Variants in SDC2 observed in about 807,000 individuals in gnomAD.
SDC2 encodes syndecan-2.
A neutral mutation model predicts 22.2 loss-of-function variants in SDC2; 13 were observed. The observed-to-expected ratio is 0.59, with a 90% CI of 0.38 to 0.93. The LOEUF is 0.93. Among genes scored for constraint, SDC2 ranks in the 40% least tolerant of loss-of-function variants. The pLI, the probability that SDC2 is intolerant of heterozygous loss-of-function variation, is 0.00. For synonymous variants in SDC2, 94 were observed against 92.8 expected (o/e 1.01, Z -0.07); for missense variants, 235 against 246.8 (o/e 0.95, Z 0.32).
intron 3 of SDC2, among the ~76,000 whole-genome samples, chr8:96,604,722 C>T (rs374591158): frequency 1.3e-5 from 2 of 152,162 alleles, no homozygotes; most frequent in African/African-American, 4.8e-5. Context: ...AAGAGCATCA[C>T]TCATAAGCTT....
At chr8:96,505,699 TG>T (rs1813228786) in intron 1 of SDC2, among the ~76,000 whole-genome samples, 1 of 152,258 alleles carries the variant, frequency 6.6e-6, no homozygotes, top group African/African-American at 2.4e-5. Flanking sequence ...TAAATAAGAA[TG>T]GTGTTTTGAT....
chr8:96,584,528 AT>A (rs1382711710), intron 1 of SDC2, among the ~76,000 whole-genome samples: 1 of 152,104 alleles, frequency 6.6e-6, no homozygotes, highest in Admixed American at 6.6e-5. Context: ...AATTCCAAAT[AT>A]TTTTCCCCCT....
At chr8:96,527,199 C>G (rs898830902) in intron 1 of SDC2, among the ~76,000 whole-genome samples, 1 of 152,030 alleles carries the variant, frequency 6.6e-6, no homozygotes, top group Non-Finnish European at 1.5e-5. Flanking sequence ...AGAGACCGTG[C>G]TTAGGGACAG....
intron 1 of SDC2, among the ~76,000 whole-genome samples, chr8:96,522,848 CAGA>C (rs142302219): frequency 0.01 from 1,543 of 152,252 alleles, 18 homozygotes; most frequent in African/African-American, 0.035. Context: ...TCACCCTGAC[CAGA>C]AGAAGTAACA....
intron 1 of SDC2, among the ~76,000 whole-genome samples, chr8:96,516,548 C>A (rs1442474474): frequency 2.7e-5 from 4 of 145,558 alleles, no homozygotes; most frequent in Non-Finnish European, 4.6e-5. Flanking sequence ...CCCCCCACCT[C>A]AAAAAAAAAA....
At chr8:96,524,191 G>A (rs1472767539) in intron 1 of SDC2, among the ~76,000 whole-genome samples, 2 of 152,228 alleles carry the variant, frequency 1.3e-5, no homozygotes, top group Non-Finnish European at 2.9e-5. Context: ...TTCCTGGAGT[G>A]AGATGACTGT....
chr8:96,567,091 T>C (rs1241992223), intron 1 of SDC2, among the ~76,000 whole-genome samples: 1 of 152,270 alleles, frequency 6.6e-6, no homozygotes, highest in Non-Finnish European at 1.5e-5. Context: ...TCACCTCAAG[T>C]GATCCACCTG....
chr8:96,554,021 A>G (rs1481512464), intron 1 of SDC2, among the ~76,000 whole-genome samples: 2 of 152,054 alleles, frequency 1.3e-5, no homozygotes, highest in Non-Finnish European at 2.9e-5. Flanking sequence ...AACTCCTGGA[A>G]TCAAACAATC....
chr8:96,508,339 AATAATT>A (rs1255800353), intron 1 of SDC2, among the ~76,000 whole-genome samples: 2 of 111,200 alleles, frequency 1.8e-5, no homozygotes, highest in Admixed American at 9.7e-5. Context: ...TAATAATAAT[AATAATT>A]AGCCGGGTGT....
chr8:96,583,389 C>CAT (rs3064979), intron 1 of SDC2, among the ~76,000 whole-genome samples: 7 of 116,808 alleles, frequency 6.0e-5, no homozygotes, highest in Admixed American at 1.8e-4. Flanking sequence ...ATATATATGA[C>CAT]ATATGTGTGT....
At chr8:96,523,898 T>G (rs1813536116) in intron 1 of SDC2, among the ~76,000 whole-genome samples, 1 of 152,194 alleles carries the variant, frequency 6.6e-6, no homozygotes, top group South Asian at 2.1e-4. Context: ...TGTTGGTAAC[T>G]TTAAGATTAT....
At chr8:96,550,373 G>C (rs1377453971) in intron 1 of SDC2, among the ~76,000 whole-genome samples, 1 of 152,150 alleles carries the variant, frequency 6.6e-6, no homozygotes, top group Non-Finnish European at 1.5e-5. Context: ...ATTGGAAAAT[G>C]TGAAAAAATA....
chr8:96,497,917 G>A (rs1813099992), intron 1 of SDC2, among the ~76,000 whole-genome samples: 1 of 152,190 alleles, frequency 6.6e-6, no homozygotes, highest in Non-Finnish European at 1.5e-5. Flanking sequence ...AGGGTGCATT[G>A]CAGAATCTCC....
Position 96,564,855 on chromosome 8 carries a change from C to T in SDC2, c.61-28625C>T, listed in dbSNP as rs372388854. Among the ~76,000 whole-genome samples the T allele has an allele frequency of 3.3e-5, 5 of 152,100 alleles. No individual in the cohort carries two copies. In the South Asian group the frequency reaches 6.2e-4, roughly 19 times the overall value. ...CCTGCCCACCGTTTTGGGAGTTGAACTTTGTGATTGTTTAGAATACCAGCT... is the reference window on the plus strand; with the variant it reads ...CCTGCCCACCGTTTTGGGAGTTGAATTTTGTGATTGTTTAGAATACCAGCT... On this transcript the variant is annotated intron_variant, in intron 1 of 4. Coordinates refer to ENST00000302190, the MANE Select transcript of SDC2 (RefSeq NM_002998.4).
chr8:96,515,931 C>CGGCT (rs760117697), intron 1 of SDC2, among the ~76,000 whole-genome samples: 2 of 152,074 alleles, frequency 1.3e-5, no homozygotes, highest in Non-Finnish European at 2.9e-5. Flanking sequence ...CACCAACTTA[C>CGGCT]GGCTCCCTAG....
At chr8:96,586,214 G>A (rs1030785482) in intron 1 of SDC2, among the ~76,000 whole-genome samples, 2 of 152,184 alleles carry the variant, frequency 1.3e-5, no homozygotes, top group African/African-American at 4.8e-5. Context: ...TTTTAAAAAA[G>A]AGACCATGTA....
intron 1 of SDC2, among the ~76,000 whole-genome samples, chr8:96,535,141 T>C (rs1206695324): frequency 2.0e-5 from 3 of 152,170 alleles, no homozygotes; most frequent in Non-Finnish European, 4.4e-5. Context: ...TCCGAGTAGC[T>C]GGGATTACAG....
rs114880052 is a variant in SDC2, at chr8:96,608,137, G to A, written c.307-198G>A. On this transcript the variant is annotated intron_variant, in intron 3 of 4. Coordinates refer to ENST00000302190, the MANE Select transcript of SDC2 (RefSeq NM_002998.4). ...CGACTTGCCTGATCATGCGATGGGT[G>A]TTGTGCAAACCATGAACTACATGGG... 5.5e-3 allele frequency among the ~76,000 whole-genome samples: 834 copies of A among 152,268 alleles called. 9 individuals carry two copies. Among genetic ancestry groups the A allele is most frequent in the African/African-American group, 0.019 (788 of 41,568 alleles).
chr8:96,554,837 C>T (rs1814083770), intron 1 of SDC2, among the ~76,000 whole-genome samples: 1 of 152,172 alleles, frequency 6.6e-6, no homozygotes, highest in African/African-American at 2.4e-5. Context: ...GGTCTTCAAA[C>T]CCTGTTGTTC....
Sources: gnomAD v4.1 joint callset for allele counts (sites outside exome capture counted in the v4.1 genomes callset) on GRCh38, gnomAD v4.1.1 for gene constraint, MANE v1.5 for transcripts, NCBI Gene and HGNC (gene_info 2026-07-23, HGNC 2026-07-21) for gene names.